The following PPP4R3B variants were observed in gnomAD, a reference collection of about 807,000 sequenced individuals.
PPP4R3B encodes protein phosphatase 4 regulatory subunit 3B.
Under a neutral mutation model 95.4 loss-of-function variants are expected in PPP4R3B, and 52 were observed. The observed-to-expected ratio is 0.54, with a 90% CI of 0.44 to 0.69. PPP4R3B has a LOEUF of 0.69. Ranked by LOEUF, PPP4R3B falls within the 30% of genes least tolerant of loss-of-function variation. The probability of loss-of-function intolerance (pLI) is 0.00; values close to 1 mark genes in which losing one functional copy is unlikely to be tolerated. For synonymous variants in PPP4R3B, 407 were observed against 343.9 expected (o/e 1.18, Z -2.03); for missense variants, 1,003 against 1,005.9 (o/e 1.00, Z 0.04).
intron 15 of PPP4R3B, among the ~76,000 whole-genome samples, chr2:55,563,198 G>A (rs1021378180): frequency 2.0e-5 from 3 of 152,138 alleles, no homozygotes; most frequent in Admixed American, 6.6e-5. Context: ...GCTCCGCCAC[G>A]CTGAGGCAAA....
chr2:55,596,332 G>C (rs1691772430), intron 4 of PPP4R3B, among the ~76,000 whole-genome samples: 1 of 101,424 alleles, frequency 9.9e-6, no homozygotes, highest in South Asian at 3.0e-4. Context: ...TGAATCATCA[G>C]ATTCGTCTAT....
chr2:55,560,387 G>A (rs947413505), intron 15 of PPP4R3B, among the ~76,000 whole-genome samples: 6 of 152,170 alleles, frequency 3.9e-5, no homozygotes, highest in African/African-American at 7.2e-5. Flanking sequence ...AGAGACTGGC[G>A]GCATTTTGCC....
Position 55,572,321 on chromosome 2 carries a change from T to C in PPP4R3B, c.1765+1298A>G, listed in dbSNP as rs188511637. On this transcript the variant is annotated intron_variant, in intron 12 of 16. Transcript: ENST00000616407. The stretch of plus-strand genomic sequence containing the variant: ...AATTTTAAAGTTATCTGGAAAACAA[T>C]ACTACAAATAAAGGCAAAGACAAAA... 4.8e-3 allele frequency among the ~76,000 whole-genome samples: 736 copies of C among 152,224 alleles called. 3 individuals carry two copies. Among genetic ancestry groups the C allele is most frequent in the Non-Finnish European group, 7.8e-3 (530 of 67,986 alleles).
intron 16 of PPP4R3B, among the ~76,000 whole-genome samples, chr2:55,558,020 CT>C (rs1686076700): frequency 6.6e-6 from 1 of 152,064 alleles, no homozygotes; most frequent in Non-Finnish European, 1.5e-5. Context: ...AGCCTTACTA[CT>C]AATAGAGTAT....
intron 4 of PPP4R3B, 40 bp from the exon 5 acceptor site, chr2:55,588,996 G>T: frequency 7.9e-7 from 1 of 1,270,138 alleles, no homozygotes. Flanking sequence ...ATTAACAAAA[G>T]AATAAAGTTA....
intron 4 of PPP4R3B, 99 bp downstream of exon 4, chr2:55,598,317 T>G (rs2103655473): frequency 8.1e-7 from 1 of 1,240,734 alleles, no homozygotes; most frequent in East Asian, 2.5e-5. Flanking sequence ...TTAAACAAAA[T>G]AAATCTTTCA....
rs1039467106 is a variant in PPP4R3B at position 55,568,504 on chromosome 2, T to A, written c.1766-141A>T. ...GTGTATAAAGTAAAAAGTAAACTCC[T>A]CTAAAATGAAAAGTAAAACTGTCTG... On this transcript the variant is annotated intron_variant, in intron 12 of 16. Coordinates refer to ENST00000616407, the MANE Select transcript of PPP4R3B (RefSeq NM_001122964.3). 3 of 612,900 alleles carry A rather than the reference T, an allele frequency of 4.9e-6. No homozygotes were observed. In the African/African-American group the frequency reaches 5.7e-5, roughly 12 times the overall value. 38.0% of individuals were successfully genotyped at this position (612,900 alleles called of 1,614,324 possible).
intron 13 of PPP4R3B, among the ~76,000 whole-genome samples, chr2:55,567,861 G>A (rs6737444): frequency 2.4e-4 from 37 of 152,232 alleles, no homozygotes; most frequent in African/African-American, 8.4e-4. Context: ...GAAACATTTG[G>A]CCAATAAAAA....
At chr2:55,587,604 G>A (rs984481110) in intron 5 of PPP4R3B, among the ~76,000 whole-genome samples, 2 of 152,106 alleles carry the variant, frequency 1.3e-5, no homozygotes, top group Non-Finnish European at 1.5e-5. Context: ...AATAAAAAAC[G>A]ATGACATCTT....
At chr2:55,610,195 C>G (rs1693974786) in intron 2 of PPP4R3B, among the ~76,000 whole-genome samples, 1 of 152,082 alleles carries the variant, frequency 6.6e-6, no homozygotes, top group Admixed American at 6.6e-5. Context: ...TCCTTCAAGT[C>G]CATTTACCGT....
At chr2:55,612,868 C>A (rs1221321317) in intron 2 of PPP4R3B, among the ~76,000 whole-genome samples, 1 of 151,860 alleles carries the variant, frequency 6.6e-6, no homozygotes, top group Non-Finnish European at 1.5e-5. Context: ...ATGGTGTGAA[C>A]CCGGGAGGCG....
chr2:55,609,682 CAAAA>C (rs958552615), intron 2 of PPP4R3B, among the ~76,000 whole-genome samples: 1 of 138,276 alleles, frequency 7.2e-6, no homozygotes, highest in African/African-American at 2.7e-5. Flanking sequence ...AAAAAAAAAA[CAAAA>C]AAAACAAAAA....
rs1259277300 is a variant in PPP4R3B, at chr2:55,598,355, G to T, written c.921+61C>A. ...AAATAGAGGGTATAAACACCTGCTT[G>T]AACTATTAAGGGAACTAAATATCTG... On this transcript the variant is annotated intron_variant, in intron 4 of 16. Coordinates refer to ENST00000616407, the MANE Select transcript of PPP4R3B (RefSeq NM_001122964.3). 4.0e-6 allele frequency: 6 copies of T among 1,518,568 alleles called. No individual in the cohort carries two copies. The East Asian group carries it at 6.8e-5, about 17-fold the overall frequency. The allele number at this position is 1,518,568 out of a possible 1,614,324, so 94.1% of individuals were successfully genotyped here.
chr2:55,576,595 G>A lies in PPP4R3B; in HGVS notation c.1606+720C>T, dbSNP rs375210469. Among the ~76,000 whole-genome samples the A allele has an allele frequency of 1.5e-4, 23 of 151,392 alleles. No individual in the cohort carries two copies. In the East Asian group the frequency reaches 3.6e-3, roughly 23 times the overall value. On this transcript the variant is annotated intron_variant, in intron 11 of 16. Coordinates refer to ENST00000616407, the MANE Select transcript of PPP4R3B (RefSeq NM_001122964.3). ...GCCTCTACTAAAAATACAAAAAATC[G>A]GGAGGCTGAGGCAGAAGAATCGCTT...
chr2:55,584,143 T>C (rs1198563913), intron 7 of PPP4R3B, among the ~76,000 whole-genome samples: 1 of 151,992 alleles, frequency 6.6e-6, no homozygotes, highest in African/African-American at 2.4e-5. Flanking sequence ...TGAACCTCTG[T>C]CTCAAAAAAA....
chr2:55,606,152 G>A (rs1693360120), intron 2 of PPP4R3B, among the ~76,000 whole-genome samples: 1 of 151,982 alleles, frequency 6.6e-6, no homozygotes, highest in Non-Finnish European at 1.5e-5. Flanking sequence ...CACAAACAGT[G>A]ATCTCCAAAA....
At chr2:55,600,287 G>T (rs577276692) in intron 3 of PPP4R3B, among the ~76,000 whole-genome samples, 1 of 152,024 alleles carries the variant, frequency 6.6e-6, no homozygotes, top group Non-Finnish European at 1.5e-5. Flanking sequence ...TTAGCTGGGC[G>T]TGGTGGCGCA....
At chr2:55,603,202 C>T (rs1692881258) in intron 3 of PPP4R3B, among the ~76,000 whole-genome samples, 1 of 152,156 alleles carries the variant, frequency 6.6e-6, no homozygotes, top group African/African-American at 2.4e-5. Flanking sequence ...ATCCGCCTGC[C>T]TCGGCCTCCC....
chr2:55,576,910 A>T (rs1218374654), intron 11 of PPP4R3B, among the ~76,000 whole-genome samples: 1 of 152,220 alleles, frequency 6.6e-6, no homozygotes, highest in Non-Finnish European at 1.5e-5. Flanking sequence ...TGTCTTTATT[A>T]GTATCAAGCC....
Sources: gnomAD v4.1 joint callset for allele counts (sites outside exome capture counted in the v4.1 genomes callset) on GRCh38, gnomAD v4.1.1 for gene constraint, MANE v1.5 for transcripts, NCBI Gene and HGNC (gene_info 2026-07-23, HGNC 2026-07-21) for gene names.